The following WDR72 variants were observed in gnomAD, a reference collection of about 807,000 sequenced individuals.
The protein encoded by WDR72 is WD repeat-containing protein 72.
In WDR72, 120 loss-of-function variants were observed where a neutral mutation model predicts 124.2. That is an observed-to-expected ratio of 0.97 (90% CI 0.83 to 1.12). WDR72 has a LOEUF of 1.12. Among genes scored for constraint, WDR72 ranks in the 50% most tolerant of loss-of-function variants. The pLI is 0.00. For missense variants in WDR72, 1,387 were observed against 1,278.8 expected (o/e 1.08, Z -1.29); for synonymous variants, 452 against 441.7 (o/e 1.02, Z -0.29).
At chr15:53,563,792 C>A (rs983783082) in intron 18 of WDR72, among the ~76,000 whole-genome samples, 2 of 151,716 alleles carry the variant, frequency 1.3e-5, no homozygotes, top group Non-Finnish European at 2.9e-5. Context: ...CTTAAGTGAA[C>A]TGTGTGTCTT....
chr15:53,600,733 G>A (rs1473068535), intron 17 of WDR72, among the ~76,000 whole-genome samples: 1 of 152,048 alleles, frequency 6.6e-6, no homozygotes, highest in African/African-American at 2.4e-5. Flanking sequence ...TGCTCATGCT[G>A]GCCTTTCCTG....
chr15:53,608,785 T>TAAAA (rs61501258), intron 17 of WDR72, among the ~76,000 whole-genome samples: 19 of 149,908 alleles, frequency 1.3e-4, no homozygotes, highest in African/African-American at 4.4e-4. Context: ...AATAAATAAA[T>TAAAA]ATAAAAATAA....
Position 53,615,564 on chromosome 15 carries a change from T to C in WDR72, c.2642A>G (p.Gln881Arg), listed in dbSNP as rs2013722046. 4 of 1,613,118 alleles carry C rather than the reference T, an allele frequency of 2.5e-6. No individual in the cohort carries two copies. Among genetic ancestry groups the C allele is most frequent in the Non-Finnish European group, 3.4e-6 (4 of 1,179,488 alleles). ...TTCCAATCCTCTTGGAATTCCAACCTGATTTGGAAGAGTGGCTGTGTATTT... is the reference window on the plus strand; with the variant it reads ...TTCCAATCCTCTTGGAATTCCAACCCGATTTGGAAGAGTGGCTGTGTATTT... ...SDKYTATLPN[Q>R]VGIPRGLENN... Residue 881 changes from glutamine to arginine, a missense_variant, in exon 15 of 20, where the codon CAG becomes CGG. Physicochemically the swap from Gln to Arg is conservative, Grantham distance 43. Coordinates refer to ENST00000360509, the MANE Select transcript of WDR72 (RefSeq NM_182758.4).
At chr15:53,739,728 T>C (rs1411531074) in intron 1 of WDR72, among the ~76,000 whole-genome samples, 1 of 152,004 alleles carries the variant, frequency 6.6e-6, no homozygotes, top group Non-Finnish European at 1.5e-5. Context: ...ACAACGAAAA[T>C]CACCATACAA....
At chr15:53,675,856 G>A (rs1241922412) in intron 13 of WDR72, among the ~76,000 whole-genome samples, 1 of 152,174 alleles carries the variant, frequency 6.6e-6, no homozygotes, top group African/African-American at 2.4e-5. Context: ...GAAGTCCTAT[G>A]AGAGTTATTT....
At chr15:53,690,067 G>A in intron 13 of WDR72, among the ~76,000 whole-genome samples, 1 of 128,052 alleles carries the variant, frequency 7.8e-6, no homozygotes, top group Non-Finnish European at 1.6e-5. Context: ...GGACTGTTGT[G>A]GGGTGGGGGG....
intron 17 of WDR72, among the ~76,000 whole-genome samples, chr15:53,602,920 A>G (rs563013267): frequency 1.3e-5 from 2 of 152,170 alleles, no homozygotes; most frequent in African/African-American, 4.8e-5. Flanking sequence ...AAGAAGAGCT[A>G]TTATCATTCC....
Position 53,689,801 on chromosome 15 carries a change from G to A in WDR72, c.1765+9949C>T, listed in dbSNP as rs2016775316. Among the ~76,000 whole-genome samples, 3 of 151,986 alleles carry A rather than the reference G, an allele frequency of 2.0e-5. No homozygotes were observed. The South Asian group carries it at 6.2e-4, about 32-fold the overall frequency. On this transcript the variant is annotated intron_variant, in intron 13 of 19. Transcript: ENST00000360509. ...TTGCGGCATTATTCACAATAGCAAA[G>A]ACTTGGAACCAACCCAGATGTCCAA...
chr15:53,545,585 T>C (rs1306457425), intron 18 of WDR72, among the ~76,000 whole-genome samples: 1 of 151,768 alleles, frequency 6.6e-6, no homozygotes, highest in East Asian at 1.9e-4. Flanking sequence ...GGCATTACCA[T>C]TCAGGACATA....
chr15:53,702,105 T>G, intron 12 of WDR72, 29 bp downstream of exon 12: 1 of 1,530,752 alleles, frequency 6.5e-7, no homozygotes, highest in Non-Finnish European at 9.0e-7. Context: ...TTTTCAAATT[T>G]AGATGTTATA....
chr15:53,699,750 C>T lies in WDR72; in HGVS notation c.1765G>A (p.Gly589Ser), dbSNP rs754301059. ...TGAAAGGGATAAAATTTCAACTTAC[C>T]TGTTTCAATTTCCCAGATATAAACT... The part of the protein sequence containing the change: ...DSVYIWEIET[G>S]TLERHETGER... Residue 589 changes from glycine (G) to serine (S), a missense_variant and splice_region_variant, in exon 13 of 20, where the codon GGC (glycine) becomes AGC (serine). By Grantham distance (56) the Gly-to-Ser change is moderately conservative (BLOSUM62 0). Coordinates refer to ENST00000360509, the MANE Select transcript of WDR72 (RefSeq NM_182758.4). The T allele has an allele frequency of 6.2e-7, 1 of 1,613,788 alleles. No individual in the cohort carries two copies. Among genetic ancestry groups the T allele is most frequent in the Non-Finnish European group, 8.5e-7 (1 of 1,179,834 alleles).
intron 1 of WDR72, among the ~76,000 whole-genome samples, chr15:53,756,068 T>C (rs902310687): frequency 1.4e-4 from 22 of 152,318 alleles, no homozygotes; most frequent in African/African-American, 4.6e-4. Flanking sequence ...CTAAAAATCA[T>C]ATCAGCTTTC....
At chr15:53,529,165 T>TATATATATATATATATATATATATATA (rs1555404361) in intron 18 of WDR72, among the ~76,000 whole-genome samples, 3 of 89,058 alleles carry the variant, frequency 3.4e-5, no homozygotes, top group South Asian at 7.8e-4. Context: ...TATATATATA[T>TATATATATATATATATATATATATATA]TTTTTTTTTT....
In WDR72 at chr15:53,728,846, G is replaced by A. The variant is rs775820794; in HGVS notation, c.153+4151C>T. On this transcript the variant is annotated intron_variant, in intron 2 of 19. Coordinates refer to ENST00000360509, the MANE Select transcript of WDR72 (RefSeq NM_182758.4). ...ATGGGAGTCAGACTTCGAACTCAAAGGCAGCATGTATAATCTAGGCATGCA... is the reference window on the plus strand; with the variant it reads ...ATGGGAGTCAGACTTCGAACTCAAAAGCAGCATGTATAATCTAGGCATGCA... Among the ~76,000 whole-genome samples, 17 of 152,248 alleles carry A rather than the reference G, an allele frequency of 1.1e-4. No homozygotes were observed. The East Asian group carries it at 1.4e-3, about 12-fold the overall frequency.
intron 2 of WDR72, among the ~76,000 whole-genome samples, chr15:53,727,981 C>T (rs779432652): frequency 1.4e-4 from 22 of 152,184 alleles, no homozygotes; most frequent in Non-Finnish European, 2.9e-4. Flanking sequence ...TCCTGACCAC[C>T]ACCATCACTT....
intron 1 of WDR72, among the ~76,000 whole-genome samples, chr15:53,743,803 G>A (rs933975151): frequency 7.9e-5 from 12 of 151,858 alleles, no homozygotes; most frequent in African/African-American, 2.7e-4. Context: ...GTGAAACCCC[G>A]TCTCTACTAA....
intron 9 of WDR72, among the ~76,000 whole-genome samples, chr15:53,708,412 T>C (rs990465044): frequency 3.3e-5 from 5 of 152,208 alleles, no homozygotes; most frequent in African/African-American, 4.8e-5. Flanking sequence ...TGAGGATTAA[T>C]GAGTAGATAA....
intron 14 of WDR72, among the ~76,000 whole-genome samples, chr15:53,661,791 T>A (rs2015618336): frequency 6.6e-6 from 1 of 152,146 alleles, no homozygotes; most frequent in African/African-American, 2.4e-5. Flanking sequence ...ACATTTCAAA[T>A]ACTCAGTAGC....
chr15:53,600,472 A>G lies in WDR72; in HGVS notation c.2953-3198T>C, dbSNP rs1417005990. On this transcript the variant is annotated intron_variant, in intron 17 of 19. Coordinates refer to ENST00000360509, the MANE Select transcript of WDR72 (RefSeq NM_182758.4). Reference sequence around the variant, plus strand: ...TTCTTTTATGAGGCAATGTACACAGATTAAAAATAAAGTTTACAAACTCAT... The same window carrying G: ...TTCTTTTATGAGGCAATGTACACAGGTTAAAAATAAAGTTTACAAACTCAT... Among the ~76,000 whole-genome samples the G allele has an allele frequency of 2.0e-5, 3 of 152,286 alleles. 1 individual carries two copies. The highest frequency in any genetic ancestry group is 4.2e-4 in the South Asian group (2 of 4,818).
Sources: gnomAD v4.1 joint callset for allele counts (sites outside exome capture counted in the v4.1 genomes callset) on GRCh38, gnomAD v4.1.1 for gene constraint, MANE v1.5 for transcripts, NCBI Gene and HGNC (gene_info 2026-07-23, HGNC 2026-07-21) for gene names.